The following RGS7 variants were observed in gnomAD, a reference collection of about 807,000 sequenced individuals.
The protein encoded by RGS7 is regulator of G protein signaling 7.
Under a neutral mutation model 81.1 loss-of-function variants are expected in RGS7, and 27 were observed. The ratio of observed to expected loss-of-function variants is 0.33; its 90% CI spans 0.25 to 0.46. RGS7 has a LOEUF of 0.46. Ranked by LOEUF, RGS7 falls within the 20% of genes least tolerant of loss-of-function variation. RGS7 has a pLI of 1.00. For synonymous variants in RGS7, 208 were observed against 207.7 expected, an observed-to-expected ratio of 1.00 and a Z score of -0.01; for missense variants, 396 against 607.4, an observed-to-expected ratio of 0.65 and a Z score of 3.66.
intron 3 of RGS7, among the ~76,000 whole-genome samples, chr1:241,097,684 G>A (rs570366966): frequency 1.3e-5 from 2 of 152,204 alleles, no homozygotes; most frequent in South Asian, 2.1e-4. Context: ...AGCTGTGCCA[G>A]GCCATGCCCC....
chr1:241,339,368 C>T lies in RGS7; in HGVS notation c.78+16331G>A, dbSNP rs1250376289. Among the ~76,000 whole-genome samples, 3 of 152,244 alleles carry T rather than the reference C, an allele frequency of 2.0e-5. No homozygotes were observed. The East Asian group carries it at 5.8e-4, about 29-fold the overall frequency. ...ATAATAATTATTCAATAAATGTTTG[C>T]TACATTAAATTGAACCATATGCATA... is the stretch of plus-strand genomic sequence containing the variant. On this transcript the variant is annotated intron_variant, in intron 2 of 18. Transcript: ENST00000440928.
At chr1:241,344,504 T>C (rs896071126) in intron 2 of RGS7, among the ~76,000 whole-genome samples, 1 of 152,192 alleles carries the variant, frequency 6.6e-6, no homozygotes, top group African/African-American at 2.4e-5. Context: ...AATATACCAC[T>C]TTACAGATGT....
At chr1:241,356,743 C>G (rs1424520069) in intron 1 of RGS7, among the ~76,000 whole-genome samples, 156 bp downstream of exon 1, 1 of 149,818 alleles carries the variant, frequency 6.7e-6, no homozygotes, top group Non-Finnish European at 1.5e-5. Flanking sequence ...GGGGTGCGCG[C>G]GGCGCCCGTA....
intron 4 of RGS7, among the ~76,000 whole-genome samples, chr1:240,968,527 G>C (rs951353739): frequency 1.4e-5 from 2 of 142,178 alleles, no homozygotes; most frequent in Admixed American, 1.5e-4. Context: ...CCAATCACTT[G>C]AATTTAATAT....
At chr1:240,975,673 C>G (rs1683959929) in intron 4 of RGS7, among the ~76,000 whole-genome samples, 2 of 152,166 alleles carry the variant, frequency 1.3e-5, no homozygotes, top group African/African-American at 4.8e-5. Flanking sequence ...TTTCTTGAAG[C>G]TTTTTATTTT....
chr1:241,247,437 G>A (rs901546139), intron 2 of RGS7, among the ~76,000 whole-genome samples: 1 of 152,194 alleles, frequency 6.6e-6, no homozygotes, highest in Non-Finnish European at 1.5e-5. Flanking sequence ...ACACCTGTGG[G>A]TATTTCTTGC....
intron 6 of RGS7, among the ~76,000 whole-genome samples, chr1:240,911,710 C>T (rs1030503780): frequency 2.0e-5 from 3 of 152,138 alleles, no homozygotes; most frequent in African/African-American, 7.2e-5. Context: ...TAAGGCAAGT[C>T]TGATGGTGTG....
chr1:240,813,466 A>C, intron 13 of RGS7, 152 bp downstream of exon 13: 1 of 662,356 alleles, frequency 1.5e-6, no homozygotes, highest in East Asian at 2.8e-5. Flanking sequence ...AAGTTTCAAA[A>C]GCCATGATCT....
intron 3 of RGS7, among the ~76,000 whole-genome samples, chr1:241,008,505 C>A (rs181595534): frequency 2.0e-5 from 3 of 152,118 alleles, no homozygotes; most frequent in Non-Finnish European, 2.9e-5. Flanking sequence ...GGATTTAGAT[C>A]ACCTGAGGAG....
chr1:240,913,852 T>C (rs996511211), intron 6 of RGS7, among the ~76,000 whole-genome samples: 17 of 152,194 alleles, frequency 1.1e-4, no homozygotes, highest in Admixed American at 9.8e-4. Context: ...TGTTATTTTA[T>C]CTATGTTTAT....
At chr1:241,011,113 A>T (rs2058934875) in intron 3 of RGS7, among the ~76,000 whole-genome samples, 1 of 152,220 alleles carries the variant, frequency 6.6e-6, no homozygotes, top group African/African-American at 2.4e-5. Flanking sequence ...CTGCAGGAGT[A>T]TGCTTCCCCA....
chr1:241,242,306 G>GTAGATAGATAGATAGATAGATAGA (rs58976335), intron 2 of RGS7, among the ~76,000 whole-genome samples: 10 of 147,560 alleles, frequency 6.8e-5, no homozygotes, highest in East Asian at 2.0e-4. Flanking sequence ...CTATGGATGA[G>GTAGATAGATAGATAGATAGATAGA]TAGATAGATA....
chr1:241,257,721 C>A (rs910542918), intron 2 of RGS7, among the ~76,000 whole-genome samples: 8 of 152,094 alleles, frequency 5.3e-5, no homozygotes, highest in African/African-American at 1.9e-4. Flanking sequence ...ACCCTCCTTG[C>A]AAGCACACAC....
At chr1:241,086,767 T>A (rs2063474574) in intron 3 of RGS7, among the ~76,000 whole-genome samples, 1 of 152,112 alleles carries the variant, frequency 6.6e-6, no homozygotes, top group African/African-American at 2.4e-5. Context: ...CTCTCTGGAG[T>A]CATCCCTCTG....
intron 3 of RGS7, among the ~76,000 whole-genome samples, chr1:240,998,179 G>A (rs1484004865): frequency 1.3e-5 from 2 of 152,140 alleles, no homozygotes; most frequent in Non-Finnish European, 2.9e-5. Flanking sequence ...GCTGTGGTTT[G>A]AATCATTTTT....
intron 9 of RGS7, among the ~76,000 whole-genome samples, chr1:240,834,655 T>C (rs901688455): frequency 3.2e-4 from 48 of 151,918 alleles, no homozygotes; most frequent in Non-Finnish European, 4.1e-4. Context: ...GGACTACAGG[T>C]GTCCGCCACC....
In RGS7 at chr1:240,795,079, G is replaced by C. The variant is rs1347927895; in HGVS notation, c.*6+5562C>G. On this transcript the variant is annotated intron_variant, in intron 18 of 18. Coordinates refer to ENST00000440928, the MANE Select transcript of RGS7 (RefSeq NM_001364886.1). ...ACATGCCTGTAATCCCAGTTATTTG[G>C]AGGCTGAGGCAGGAGAATCGCTTGA... 2.0e-5 allele frequency among the ~76,000 whole-genome samples: 3 copies of C among 152,060 alleles called. No homozygotes were observed. In the South Asian group the frequency reaches 6.2e-4, roughly 31 times the overall value.
intron 15 of RGS7, among the ~76,000 whole-genome samples, chr1:240,803,419 G>A (rs1255098038): frequency 6.6e-6 from 1 of 152,202 alleles, no homozygotes; most frequent in South Asian, 2.1e-4. Flanking sequence ...TTTACTGGGA[G>A]GGTGCCAACT....
chr1:241,091,595 A>G lies in RGS7; in HGVS notation c.175+7071T>C, dbSNP rs187576089. ...TAAATAAATAAATAAATAAATAAAT[A>G]AAAAAGCTGGCCGGATGCAATGGCT... On this transcript the variant is annotated intron_variant, in intron 3 of 18. Coordinates refer to ENST00000440928, the MANE Select transcript of RGS7 (RefSeq NM_001364886.1). Among the ~76,000 whole-genome samples the G allele has an allele frequency of 9.4e-5, 14 of 148,712 alleles. No homozygotes were observed. The East Asian group carries it at 2.5e-3, about 27-fold the overall frequency.
Sources: allele counts gnomAD v4.1 joint callset (sites outside exome capture counted in the v4.1 genomes callset), GRCh38; gene constraint gnomAD v4.1.1; transcripts MANE v1.5; gene names NCBI Gene and HGNC (gene_info 2026-07-23, HGNC 2026-07-21).